Variants in LPIN1 observed in about 807,000 individuals in gnomAD.
LPIN1 encodes phosphatidate phosphatase LPIN1.
A neutral mutation model predicts 107.5 loss-of-function variants in LPIN1; 71 were observed. The ratio of observed to expected loss-of-function variants is 0.66; its 90% confidence interval spans 0.55 to 0.80. The LOEUF (loss-of-function observed/expected upper bound fraction) is 0.80, where lower values mean the gene tolerates loss of function less well. Ranked by LOEUF, LPIN1 falls within the 30% of genes least tolerant of loss-of-function variation. The pLI is 0.00. For missense variants in LPIN1, 1,043 were observed against 1,160.6 expected (o/e 0.90, Z 1.47); for synonymous variants, 445 against 452.6 (o/e 0.98, Z 0.21).
upstream of LPIN1, among the ~76,000 whole-genome samples, chr2:11,722,944 G>A (rs2148535907): frequency 6.6e-6 from 1 of 152,278 alleles, no homozygotes. Context: ...AGTCAACAAA[G>A]CATGTGCAAA....
intron 1 of LPIN1, among the ~76,000 whole-genome samples, chr2:11,699,670 A>G (rs553218680): frequency 9.2e-5 from 14 of 152,276 alleles, no homozygotes; most frequent in African/African-American, 3.4e-4. Context: ...TTCCTTAGAC[A>G]TTCACCATCG....
rs752985875 is a variant in LPIN1, at chr2:11,804,564, A to C, written c.2155A>C (p.Ile719Leu). 7 of 1,614,202 alleles carry C rather than the reference A, an allele frequency of 4.3e-6. No individual in the cohort carries two copies. In the East Asian group the frequency reaches 1.3e-4, roughly 31 times the overall value. ...KVIISDIDGTITRSDTLGHIL... is the reference protein window; with the variant it reads ...KVIISDIDGTLTRSDTLGHIL... ...CATCATTTCTGATATTGATGGGACA[A>C]TTACCAGGTAGGTCCTGCTGACTTG... The change falls in exon 16 of 21, where the codon ATT becomes CTT. Residue 719 changes from isoleucine (I) to leucine (L), a missense_variant. Transcript: ENST00000674199.
chr2:11,685,854 C>T (rs1236563527), intron 1 of LPIN1, among the ~76,000 whole-genome samples: 1 of 152,184 alleles, frequency 6.6e-6, no homozygotes, highest in Non-Finnish European at 1.5e-5. Flanking sequence ...TCTCTTTTCT[C>T]AGCCCTTCAC....
chr2:11,816,211 C>G (rs954964305), intron 18 of LPIN1: 1 of 152,116 alleles, frequency 6.6e-6, no homozygotes, highest in African/African-American at 2.4e-5. Context: ...TAAGCAGTAG[C>G]TTTTTTCCTG....
In LPIN1 at chr2:11,687,192, C is replaced by T. The variant is rs375625395; in HGVS notation, c.81+9464C>T. Among the ~76,000 whole-genome samples the T allele has an allele frequency of 4.6e-5, 7 of 151,994 alleles. No individual in the cohort carries two copies. In the East Asian group the frequency reaches 1.4e-3, roughly 30 times the overall value. On this transcript the variant is annotated intron_variant, in intron 1 of 21. Transcript: ENST00000449576. Reference sequence around the variant, plus strand: ...TTTAATTTTTTTGTAGAAATGGGATCTTGCTCTGTTGTCCAGGCTGGTCTT... The same window carrying T: ...TTTAATTTTTTTGTAGAAATGGGATTTTGCTCTGTTGTCCAGGCTGGTCTT...
At chr2:11,686,101 G>C (rs1255508744) in intron 1 of LPIN1, among the ~76,000 whole-genome samples, 1 of 152,158 alleles carries the variant, frequency 6.6e-6, no homozygotes, top group African/African-American at 2.4e-5. Context: ...ACTTTCCATT[G>C]TGGTTATGTT....
chr2:11,735,974 G>C (rs1405498392), intron 1 of LPIN1, among the ~76,000 whole-genome samples: 1 of 152,230 alleles, frequency 6.6e-6, no homozygotes, highest in African/African-American at 2.4e-5. Context: ...AGGTTGCACA[G>C]TGTCTTCTTT....
intron 20 of LPIN1, among the ~76,000 whole-genome samples, chr2:11,821,670 G>A (rs146572517): frequency 6.6e-6 from 1 of 152,182 alleles, no homozygotes; most frequent in Admixed American, 6.5e-5. Context: ...AGAGAGATAA[G>A]TTCTCTCTAG....
At chr2:11,795,570 G>T (rs981216510) in intron 14 of LPIN1, 83 bp downstream of exon 14, 28 of 1,228,410 alleles carry the variant, frequency 2.3e-5, no homozygotes, top group Non-Finnish European at 3.1e-5. Flanking sequence ...TGCAGATAGG[G>T]TTCACCACAC....
At chr2:11,823,959 A>G (rs1284322764) in intron 20 of LPIN1, among the ~76,000 whole-genome samples, 1 of 152,188 alleles carries the variant, frequency 6.6e-6, no homozygotes, top group Non-Finnish European at 1.5e-5. Context: ...CGTCATGCCA[A>G]CCAGGGCTTT....
rs756924344 is a variant in LPIN1, at chr2:11,795,509, G to T, written c.1886+22G>T. The T allele has an allele frequency of 9.9e-6, 16 of 1,609,162 alleles. No individual in the cohort carries two copies. In the African/African-American group the frequency reaches 1.5e-4, roughly 15 times the overall value. On this transcript the variant is annotated intron_variant, in intron 14 of 20. Coordinates refer to ENST00000674199, the MANE Select transcript of LPIN1 (RefSeq NM_001349206.2). The stretch of plus-strand genomic sequence containing the variant: ...CCAGGTGCGGTAGGAGGCTTCTTGG[G>T]ATGTTTGCAGCCCCTTTCCGCATCC...
At chr2:11,775,604 T>C (rs1347798406) in intron 5 of LPIN1, among the ~76,000 whole-genome samples, 1 of 152,186 alleles carries the variant, frequency 6.6e-6, no homozygotes, top group Admixed American at 6.5e-5. Flanking sequence ...TTTTGGATTA[T>C]GTAGTTTGAT....
chr2:11,810,484 AG>A (rs1442171088), intron 17 of LPIN1, among the ~76,000 whole-genome samples: 1 of 152,178 alleles, frequency 6.6e-6, no homozygotes, highest in Non-Finnish European at 1.5e-5. Flanking sequence ...GCAGGAAAGT[AG>A]GCAGGAGCCA....
At chr2:11,679,389 T>C (rs1208788864) in intron 1 of LPIN1, among the ~76,000 whole-genome samples, 2 of 152,260 alleles carry the variant, frequency 1.3e-5, no homozygotes, top group African/African-American at 4.8e-5. Flanking sequence ...TTTCTGCTTA[T>C]GTTTTATTGG....
At chr2:11,760,374 C>T (rs756867994) in intron 1 of LPIN1, among the ~76,000 whole-genome samples, 13 of 152,244 alleles carry the variant, frequency 8.5e-5, no homozygotes, top group Non-Finnish European at 1.9e-4. Flanking sequence ...CACGTCACTG[C>T]ACTCCAGCCT....
rs577547756 is a variant in LPIN1 at position 11,690,550 on chromosome 2, G to A, written c.81+12822G>A. ...ACATCTTTTCAACAACTTCTTCTTT[G>A]TGATCTCCTTAATTCTCCTTTCTGG... On this transcript the variant is annotated intron_variant, in intron 1 of 21. Coordinates refer to the LPIN1 transcript ENST00000449576. Among the ~76,000 whole-genome samples the A allele has an allele frequency of 3.3e-5, 5 of 152,200 alleles. No homozygotes were observed. The South Asian group carries it at 1.0e-3, about 32-fold the overall frequency.
intron 1 of LPIN1, among the ~76,000 whole-genome samples, chr2:11,692,291 CATACTTGGCACATACTTGGCACATACT>C (rs369073208): frequency 0.13 from 19,142 of 151,342 alleles, 3,543 homozygotes; most frequent in African/African-American, 0.41. Flanking sequence ...TGCCTTGGCA[CATACTTGGCACATACTTGGCACATACT>C]TGGCACATAC....
chr2:11,692,996 G>A (rs1293424055), intron 1 of LPIN1, among the ~76,000 whole-genome samples: 1 of 152,092 alleles, frequency 6.6e-6, no homozygotes, highest in East Asian at 1.9e-4. Context: ...GTAGGGACTG[G>A]CCAAATCCTA....
intron 1 of LPIN1, among the ~76,000 whole-genome samples, chr2:11,752,786 A>C (rs974446564): frequency 6.6e-6 from 1 of 152,040 alleles, no homozygotes; most frequent in African/African-American, 2.4e-5. Flanking sequence ...TGTTGGCAAA[A>C]ATTGTGGGGT....
Sources: gnomAD v4.1 joint callset for allele counts (sites outside exome capture counted in the v4.1 genomes callset) on GRCh38, gnomAD v4.1.1 for gene constraint, MANE v1.5 for transcripts, NCBI Gene and HGNC (gene_info 2026-07-23, HGNC 2026-07-21) for gene names.